The following IQCM variants were observed in gnomAD, a reference collection of about 807,000 sequenced individuals.
IQCM encodes the protein IQ motif containing M, also known as IQ domain-containing protein M.
IQCM carries 45 observed loss-of-function variants against 57.6 expected under a neutral mutation model. The observed-to-expected ratio is 0.78, with a 90% CI of 0.62 to 1.00. The LOEUF is 1.00. IQCM is among the 50% of genes least tolerant of loss of function. IQCM has a pLI of 0.00. For synonymous variants in IQCM, 148 were observed against 158.9 expected (o/e 0.93, Z 0.51); for missense variants, 468 against 511.6 (o/e 0.91, Z 0.82).
intron 12 of IQCM, among the ~76,000 whole-genome samples, chr4:149,481,701 G>GTTTTTTTTTTTTTTTGTTTGTTTTTTTTT (rs1740837055): frequency 3.9e-5 from 2 of 51,580 alleles, no homozygotes; most frequent in African/African-American, 1.5e-4. Context: ...TTCCAGTTTT[G>GTTTTTTTTTTTTTTTGTTTGTTTTTTTTT]TTTTTTTTTT....
intron 5 of IQCM, among the ~76,000 whole-genome samples, chr4:149,712,594 G>A (rs1764653058): frequency 6.6e-6 from 1 of 152,134 alleles, no homozygotes; most frequent in African/African-American, 2.4e-5. Context: ...TTTAACCACT[G>A]AGGATGGAAA....
At chr4:149,481,065 A>T (rs1397507932) in intron 12 of IQCM, among the ~76,000 whole-genome samples, 1 of 152,126 alleles carries the variant, frequency 6.6e-6, no homozygotes, top group Admixed American at 6.6e-5. Context: ...CTTTGGAGAA[A>T]TGGCTATTCA....
At chr4:149,640,968 A>C (rs1758135776) in intron 7 of IQCM, among the ~76,000 whole-genome samples, 1 of 152,110 alleles carries the variant, frequency 6.6e-6, no homozygotes. Flanking sequence ...TGTCCACACC[A>C]AAAATACAAA....
intron 7 of IQCM, among the ~76,000 whole-genome samples, chr4:149,659,162 G>GT (rs1759926975): frequency 7.0e-6 from 1 of 141,928 alleles, no homozygotes. Flanking sequence ...CTTTTTGAAG[G>GT]GTTTTTTGTG....
intron 12 of IQCM, among the ~76,000 whole-genome samples, chr4:149,502,539 T>TG (rs1258040664): frequency 6.6e-6 from 1 of 151,916 alleles, no homozygotes; most frequent in Non-Finnish European, 1.5e-5. Context: ...CCAGATATGG[T>TG]GCATGCACCT....
intron 13 of IQCM, among the ~76,000 whole-genome samples, chr4:149,382,393 G>C (rs961542312): frequency 2.6e-5 from 4 of 152,110 alleles, no homozygotes; most frequent in African/African-American, 7.2e-5. Flanking sequence ...CATCTGTGTA[G>C]ATTTCTCTTC....
intron 5 of IQCM, among the ~76,000 whole-genome samples, chr4:149,732,855 G>T (rs1385257806): frequency 1.3e-5 from 2 of 152,060 alleles, no homozygotes; most frequent in Non-Finnish European, 2.9e-5. Flanking sequence ...AATCTTTTTA[G>T]TGTTTTGAGG....
chr4:149,435,164 A>G (rs935314973), intron 12 of IQCM, among the ~76,000 whole-genome samples: 6 of 152,148 alleles, frequency 3.9e-5, no homozygotes, highest in African/African-American at 1.2e-4. Flanking sequence ...AATCTCTGTC[A>G]TAGTTAATAA....
At chr4:149,540,767 C>T (rs1747776361) in intron 12 of IQCM, among the ~76,000 whole-genome samples, 1 of 152,100 alleles carries the variant, frequency 6.6e-6, no homozygotes. Context: ...CTTATAAGAA[C>T]TGACTACCTA....
chr4:149,688,430 A>G (rs1762706472), intron 5 of IQCM, among the ~76,000 whole-genome samples: 1 of 152,058 alleles, frequency 6.6e-6, no homozygotes, highest in Non-Finnish European at 1.5e-5. Context: ...AAAACTAAAA[A>G]ACACTGCTGA....
intron 12 of IQCM, among the ~76,000 whole-genome samples, chr4:149,465,778 C>T (rs961890418): frequency 5.9e-5 from 9 of 151,466 alleles, no homozygotes; most frequent in Non-Finnish European, 1.0e-4. Context: ...GTATTAGCCA[C>T]TATGCTTACT....
At chr4:149,772,868 G>A (rs139051709) in intron 2 of IQCM, among the ~76,000 whole-genome samples, 15 of 152,246 alleles carry the variant, frequency 9.9e-5, no homozygotes, top group Middle Eastern at 3.4e-3. Context: ...AACACTTTGT[G>A]TATAAACACT....
intron 12 of IQCM, among the ~76,000 whole-genome samples, chr4:149,438,047 G>C (rs1434293557): frequency 6.6e-6 from 1 of 152,010 alleles, no homozygotes. Context: ...AGGGAGACTT[G>C]TGGCTAACAA....
intron 11 of IQCM, among the ~76,000 whole-genome samples, chr4:149,548,869 G>A (rs1215383595): frequency 1.3e-5 from 2 of 152,098 alleles, no homozygotes; most frequent in African/African-American, 2.4e-5. Flanking sequence ...ACTCAACCAT[G>A]TCATAAGACA....
intron 13 of IQCM, among the ~76,000 whole-genome samples, chr4:149,362,589 T>G (rs1028895204): frequency 5.3e-5 from 8 of 152,184 alleles, no homozygotes; most frequent in African/African-American, 1.9e-4. Flanking sequence ...CACCACCATG[T>G]AAGAAGTGCC....
intron 8 of IQCM, among the ~76,000 whole-genome samples, chr4:149,589,493 A>C (rs1752930956): frequency 6.6e-6 from 1 of 152,028 alleles, no homozygotes; most frequent in Non-Finnish European, 1.5e-5. Context: ...CTCAGCATTG[A>C]CATACACTGA....
intron 13 of IQCM, among the ~76,000 whole-genome samples, chr4:149,369,803 A>C (rs912518386): frequency 6.6e-6 from 1 of 152,252 alleles, no homozygotes; most frequent in Admixed American, 6.5e-5. Flanking sequence ...GGATTTAGAT[A>C]GCAACATTTA....
intron 12 of IQCM, among the ~76,000 whole-genome samples, chr4:149,448,235 G>T (rs540423802): frequency 1.3e-5 from 2 of 151,686 alleles, no homozygotes; most frequent in South Asian, 4.1e-4. Context: ...GAAAGATTTT[G>T]AAAACTTTAG....
intron 8 of IQCM, among the ~76,000 whole-genome samples, chr4:149,611,249 T>C (rs1755257898): frequency 1.3e-5 from 2 of 152,030 alleles, no homozygotes. Context: ...TGTAAATTAC[T>C]ATAGCCACTA....
Sources: allele counts gnomAD v4.1 joint callset (sites outside exome capture counted in the v4.1 genomes callset), GRCh38; gene constraint gnomAD v4.1.1; transcripts MANE v1.5; gene names NCBI Gene and HGNC (gene_info 2026-07-23, HGNC 2026-07-21).